NDUFS4: variants seen among roughly 807,000 people sequenced by gnomAD.
NDUFS4 encodes NADH dehydrogenase [ubiquinone] iron-sulfur protein 4, mitochondrial.
A neutral mutation model predicts 24.3 loss-of-function variants in NDUFS4; 28 were observed. That is an observed-to-expected ratio of 1.15 (90% CI 0.85 to 1.58). The LOEUF (loss-of-function observed/expected upper bound fraction) is 1.58. Among genes scored for constraint, NDUFS4 ranks in the 40% most tolerant of loss-of-function variants. NDUFS4 has a pLI of 0.00. For synonymous variants in NDUFS4, 93 were observed against 69.7 expected (o/e 1.34, Z -1.67); for missense variants, 223 against 207.9 (o/e 1.07, Z -0.45).
At chr5:53,575,975 TTTTA>T (rs1275145238) in intron 1 of NDUFS4, among the ~76,000 whole-genome samples, 64 of 152,364 alleles carry the variant, frequency 4.2e-4, no homozygotes, top group African/African-American at 1.3e-3. Context: ...AAATCATGAC[TTTTA>T]TTTAAAGATG....
intron 2 of NDUFS4, among the ~76,000 whole-genome samples, chr5:53,610,079 A>T (rs147095751): frequency 6.6e-6 from 1 of 152,292 alleles, no homozygotes; most frequent in African/African-American, 2.4e-5. Flanking sequence ...GTTTGGTGCA[A>T]GAGGCCTGGC....
At chr5:53,668,990 AG>A (rs1338544336) in intron 4 of NDUFS4, among the ~76,000 whole-genome samples, 1 of 152,174 alleles carries the variant, frequency 6.6e-6, no homozygotes, top group Non-Finnish European at 1.5e-5. Context: ...ACATACAAGG[AG>A]GTGAACAAGT....
chr5:53,587,780 T>C (rs1437190863), intron 1 of NDUFS4, among the ~76,000 whole-genome samples: 1 of 152,124 alleles, frequency 6.6e-6, no homozygotes, highest in Non-Finnish European at 1.5e-5. Flanking sequence ...GATTTCACCA[T>C]GTTGCCCAGG....
At chr5:53,560,863 C>G in intron 1 of NDUFS4, 103 bp downstream of exon 1, 2 of 1,579,206 alleles carry the variant, frequency 1.3e-6, no homozygotes, top group African/African-American at 2.7e-5. Context: ...AAGGCGTCCT[C>G]TGTTGACCCT....
chr5:53,638,152 TTAA>T (rs1163329088), intron 2 of NDUFS4, among the ~76,000 whole-genome samples: 1 of 152,104 alleles, frequency 6.6e-6, no homozygotes, highest in Non-Finnish European at 1.5e-5. Flanking sequence ...GGAACACTCA[TTAA>T]TAATATACTC....
chr5:53,672,584 C>T (rs1400948798), intron 4 of NDUFS4, among the ~76,000 whole-genome samples: 1 of 138,710 alleles, frequency 7.2e-6, no homozygotes, highest in East Asian at 2.2e-4. Flanking sequence ...AGACAATGCA[C>T]AGTTTTCCAT....
At chr5:53,660,588 A>G (rs945889068) in intron 4 of NDUFS4, among the ~76,000 whole-genome samples, 4 of 152,148 alleles carry the variant, frequency 2.6e-5, no homozygotes, top group African/African-American at 7.2e-5. Flanking sequence ...GACTTCCACA[A>G]TGGTTGAACT....
chr5:53,653,461 G>T (rs1752076462), intron 3 of NDUFS4, among the ~76,000 whole-genome samples: 2 of 152,054 alleles, frequency 1.3e-5, no homozygotes, highest in Non-Finnish European at 2.9e-5. Flanking sequence ...CTTTAATCAG[G>T]TGGTTCAGTT....
chr5:53,640,259 T>G (rs1050870265), intron 2 of NDUFS4, among the ~76,000 whole-genome samples: 3 of 151,896 alleles, frequency 2.0e-5, no homozygotes, highest in South Asian at 2.1e-4. Flanking sequence ...ATATCAAGAT[T>G]CAAAGTTACT....
At chr5:53,661,053 T>G (rs959192010) in intron 4 of NDUFS4, among the ~76,000 whole-genome samples, 12 of 152,232 alleles carry the variant, frequency 7.9e-5, no homozygotes, top group Non-Finnish European at 1.3e-4. Context: ...GCTTTTGGTG[T>G]TTTAGACATG....
chr5:53,674,880 C>A (rs1740405599), intron 4 of NDUFS4, among the ~76,000 whole-genome samples: 1 of 151,952 alleles, frequency 6.6e-6, no homozygotes, highest in African/African-American at 2.4e-5. Context: ...ATATATTTGA[C>A]ATTGATAAAC....
At chr5:53,628,401 G>C (rs954475830) in intron 2 of NDUFS4, among the ~76,000 whole-genome samples, 1 of 152,170 alleles carries the variant, frequency 6.6e-6, no homozygotes, top group Non-Finnish European at 1.5e-5. Flanking sequence ...CTCATAAAGT[G>C]AGTTAAGGAG....
chr5:53,632,469 T>C (rs1037997170), intron 2 of NDUFS4, among the ~76,000 whole-genome samples: 1 of 152,210 alleles, frequency 6.6e-6, no homozygotes, highest in African/African-American at 2.4e-5. Context: ...CAGAGTCTCA[T>C]TGTAGACAAA....
At chr5:53,623,646 TTCC>T (rs1430654477) in intron 2 of NDUFS4, among the ~76,000 whole-genome samples, 1 of 152,182 alleles carries the variant, frequency 6.6e-6, no homozygotes, top group Non-Finnish European at 1.5e-5. Context: ...TGTCGAAGAT[TTCC>T]TCCTATGTTT....
At position 53,675,016 on chromosome 5, in the gene NDUFS4, T is replaced by C. The variant is rs554839698; in HGVS notation, c.425-8102T>C. On this transcript the variant is annotated intron_variant, in intron 4 of 4. Transcript: ENST00000296684. ...TGCTCTTAGAGTACTTTTTAAGTAC[T>C]CTTAAAAAGTACTTGTAGCTTAAAA... 8.0e-4 allele frequency among the ~76,000 whole-genome samples: 121 copies of C among 152,164 alleles called. 1 individual carries two copies. Among genetic ancestry groups the C allele is most frequent in the African/African-American group, 2.6e-3 (108 of 41,498 alleles).
At chr5:53,628,653 G>C (rs1007519951) in intron 2 of NDUFS4, among the ~76,000 whole-genome samples, 1 of 152,096 alleles carries the variant, frequency 6.6e-6, no homozygotes, top group Non-Finnish European at 1.5e-5. Context: ...AGATTTTCTA[G>C]TTTATTTGCA....
intron 2 of NDUFS4, among the ~76,000 whole-genome samples, chr5:53,619,676 C>CT (rs1393118123): frequency 6.6e-6 from 1 of 151,730 alleles, no homozygotes; most frequent in African/African-American, 2.4e-5. Flanking sequence ...GAATTTACTT[C>CT]TTTTTTATAT....
At chr5:53,637,199 G>A (rs929208050) in intron 2 of NDUFS4, among the ~76,000 whole-genome samples, 3 of 142,388 alleles carry the variant, frequency 2.1e-5, no homozygotes, top group Non-Finnish European at 3.0e-5. Flanking sequence ...GTGAATTCCT[G>A]TTTGAGGTCC....
intron 3 of NDUFS4, among the ~76,000 whole-genome samples, chr5:53,652,126 A>G (rs1752038111): frequency 6.6e-6 from 1 of 152,164 alleles, no homozygotes; most frequent in African/African-American, 2.4e-5. Context: ...TATTGATGGA[A>G]TGGCTTGGAG....
Sources: gnomAD v4.1 joint callset for allele counts (sites outside exome capture counted in the v4.1 genomes callset) on GRCh38, gnomAD v4.1.1 for gene constraint, MANE v1.5 for transcripts, NCBI Gene and HGNC (gene_info 2026-07-23, HGNC 2026-07-21) for gene names.